TNS3: variants seen among roughly 807,000 people sequenced by gnomAD.
The protein encoded by TNS3 is tensin 3.
In TNS3, 45 loss-of-function variants were observed where a neutral mutation model predicts 140.9. The observed-to-expected ratio is 0.32, with a 90% confidence interval of 0.25 to 0.41. The LOEUF (loss-of-function observed/expected upper bound fraction) is 0.41, where lower values mean the gene tolerates loss of function less well. TNS3 is among the 10% of genes least tolerant of loss of function. The pLI, the probability that TNS3 is intolerant of heterozygous loss-of-function variation, is 1.00. For synonymous variants in TNS3, 815 were observed against 788.4 expected, an observed-to-expected ratio of 1.03 and a Z score of -0.56; for missense variants, 1,716 against 1,906.7, an observed-to-expected ratio of 0.90 and a Z score of 1.86.
chr7:47,563,897 A>G (rs578075389), intron 1 of TNS3, among the ~76,000 whole-genome samples: 8 of 152,276 alleles, frequency 5.3e-5, no homozygotes, highest in African/African-American at 1.7e-4. Flanking sequence ...TTTTTTACAT[A>G]TGATTAACAT....
At chr7:47,285,158 TG>T (rs1480859193) in intron 27 of TNS3, among the ~76,000 whole-genome samples, 18 of 152,226 alleles carry the variant, frequency 1.2e-4, no homozygotes, top group African/African-American at 3.1e-4. Context: ...AGGATGTCCC[TG>T]GGTGTCACAG....
At chr7:47,433,372 C>A (rs1795017757) in intron 8 of TNS3, among the ~76,000 whole-genome samples, 1 of 152,176 alleles carries the variant, frequency 6.6e-6, no homozygotes, top group Non-Finnish European at 1.5e-5. Flanking sequence ...TACATGGCAC[C>A]AGAAGAGGGC....
intron 1 of TNS3, among the ~76,000 whole-genome samples, chr7:47,543,976 T>C (rs1368749787): frequency 1.3e-5 from 2 of 152,232 alleles, no homozygotes; most frequent in Non-Finnish European, 2.9e-5. Context: ...ACAGAGTTCC[T>C]TCCCCCTGAC....
At chr7:47,573,170 A>T (rs1034479398) in intron 1 of TNS3, among the ~76,000 whole-genome samples, 2 of 152,204 alleles carry the variant, frequency 1.3e-5, no homozygotes, top group African/African-American at 2.4e-5. Flanking sequence ...AAGCCCAACC[A>T]AGTAACTTAA....
chr7:47,459,604 G>A (rs917695510), intron 4 of TNS3, among the ~76,000 whole-genome samples: 7 of 152,132 alleles, frequency 4.6e-5, no homozygotes, highest in African/African-American at 1.7e-4. Flanking sequence ...AGAGAACCAC[G>A]GCAGGCCTCC....
chr7:47,367,733 G>A (rs1790790581), intron 17 of TNS3, among the ~76,000 whole-genome samples: 1 of 152,132 alleles, frequency 6.6e-6, no homozygotes. Flanking sequence ...CCATCACTGA[G>A]CTGCTCTCCA....
At chr7:47,476,869 A>G (rs1188488933) in intron 4 of TNS3, among the ~76,000 whole-genome samples, 1 of 152,162 alleles carries the variant, frequency 6.6e-6, no homozygotes, top group Non-Finnish European at 1.5e-5. Context: ...TCTCAACAAT[A>G]CTATGTGCCG....
At chr7:47,517,760 G>A (rs1054566419) in intron 2 of TNS3, among the ~76,000 whole-genome samples, 1 of 152,176 alleles carries the variant, frequency 6.6e-6, no homozygotes, top group African/African-American at 2.4e-5. Flanking sequence ...CTGAGGTACA[G>A]GAAAGTAACT....
chr7:47,381,411 A>C (rs1200050821), intron 16 of TNS3, among the ~76,000 whole-genome samples: 1 of 152,176 alleles, frequency 6.6e-6, no homozygotes. Context: ...GCCTCATTAC[A>C]TTCAACGTAG....
In TNS3 at chr7:47,325,968, C is replaced by T. The variant is rs551654146; in HGVS notation, c.2650+18787G>A. On this transcript the variant is annotated intron_variant, in intron 20 of 30. Coordinates refer to ENST00000311160, the MANE Select transcript of TNS3 (RefSeq NM_022748.12). ...CTGGCTGCAAACTGCCTTTTTAGAA[C>T]CATGCGGATTATCAGATCCCAGCTC... Among the ~76,000 whole-genome samples the T allele has an allele frequency of 2.0e-5, 3 of 152,274 alleles. No individual in the cohort carries two copies. In the East Asian group the frequency reaches 5.8e-4, roughly 29 times the overall value.
At chr7:47,384,460 CA>C (rs1482405470) in intron 16 of TNS3, among the ~76,000 whole-genome samples, 1 of 152,256 alleles carries the variant, frequency 6.6e-6, no homozygotes, top group Non-Finnish European at 1.5e-5. Flanking sequence ...GGTCCAGGTT[CA>C]AACACTCTCA....
At chr7:47,334,540 A>G (rs964777160) in intron 20 of TNS3, among the ~76,000 whole-genome samples, 5 of 148,898 alleles carry the variant, frequency 3.4e-5, no homozygotes, top group African/African-American at 1.2e-4. Flanking sequence ...CTTTTATGTT[A>G]TGTGTTTATA....
At chr7:47,452,023 C>G (rs769843532) in intron 4 of TNS3, among the ~76,000 whole-genome samples, 8 of 152,162 alleles carry the variant, frequency 5.3e-5, no homozygotes, top group Non-Finnish European at 1.0e-4. Context: ...AAAAGGGAGA[C>G]AGAAACAGCA....
intron 4 of TNS3, among the ~76,000 whole-genome samples, chr7:47,462,664 T>G (rs1369477718): frequency 6.6e-6 from 1 of 152,136 alleles, no homozygotes; most frequent in Non-Finnish European, 1.5e-5. Flanking sequence ...GGACCAGGCT[T>G]GCCCACCTGA....
intron 1 of TNS3, among the ~76,000 whole-genome samples, chr7:47,565,863 G>A (rs896386242): frequency 9.2e-5 from 14 of 152,160 alleles, no homozygotes; most frequent in African/African-American, 3.4e-4. Context: ...GTTCTCCTAA[G>A]TATGAGAACT....
intron 16 of TNS3, among the ~76,000 whole-genome samples, chr7:47,391,514 G>C (rs759670750): frequency 1.3e-5 from 2 of 152,210 alleles, no homozygotes; most frequent in African/African-American, 2.4e-5. Context: ...AAAGTGAAAG[G>C]GAATGAGGCT....
Position 47,278,128 on chromosome 7 carries a change from G to A in TNS3, c.4286C>T (p.Ala1429Val), listed in dbSNP as rs1253404589. Residue 1429 changes from alanine (A) to valine (V), a missense_variant, in exon 31 of 31, where the codon GCC becomes GTC. By Grantham distance (64) the Ala-to-Val change is moderately conservative. Transcript: ENST00000311160. ...GACCTTTGATACGAAGTTGACAATG[G>A]CACTGGCAGGCTGCTCAGGGTCATG... ...AEHDPEQPAS[A>V]IVNFVSKVMI... 1.9e-6 allele frequency: 3 copies of A among 1,614,110 alleles called. No individual in the cohort carries two copies. Among genetic ancestry groups the A allele is most frequent in the Non-Finnish European group, 2.5e-6 (3 of 1,180,024 alleles).
At chr7:47,312,972 A>G (rs2150780811) in intron 20 of TNS3, among the ~76,000 whole-genome samples, 1 of 152,314 alleles carries the variant, frequency 6.6e-6, no homozygotes, top group East Asian at 1.9e-4. Flanking sequence ...GGAGAACGGA[A>G]GAGAGAAACA....
intron 13 of TNS3, chr7:47,405,608 A>G: frequency 1.4e-6 from 1 of 702,918 alleles, no homozygotes; most frequent in Non-Finnish European, 2.6e-6. Context: ...CGAAAACACA[A>G]CCAAGTCCAC....
Sources: allele counts gnomAD v4.1 joint callset (sites outside exome capture counted in the v4.1 genomes callset), GRCh38; gene constraint gnomAD v4.1.1; transcripts MANE v1.5; gene names NCBI Gene and HGNC (gene_info 2026-07-23, HGNC 2026-07-21).